The following RMDN2 variants were observed in gnomAD, a reference collection of about 807,000 sequenced individuals.
RMDN2 encodes the protein regulator of microtubule dynamics protein 2.
In RMDN2, 61 loss-of-function variants were observed where a neutral mutation model predicts 52.8. The ratio of observed to expected loss-of-function variants is 1.16; its 90% confidence interval spans 0.94 to 1.43. The LOEUF (loss-of-function observed/expected upper bound fraction) is 1.43, where lower values mean the gene tolerates loss of function less well. Among genes scored for constraint, RMDN2 ranks in the 40% most tolerant of loss-of-function variants. The pLI, the probability that RMDN2 is intolerant of heterozygous loss-of-function variation, is 0.00. For synonymous variants in RMDN2, 180 were observed against 153.1 expected, an observed-to-expected ratio of 1.18 and a Z score of -1.30; for missense variants, 592 against 475.3, an observed-to-expected ratio of 1.25 and a Z score of -2.28.
At chr2:37,941,308 C>G (rs1204579942) in intron 2 of RMDN2, among the ~76,000 whole-genome samples, 1 of 152,202 alleles carries the variant, frequency 6.6e-6, no homozygotes, top group Non-Finnish European at 1.5e-5. Context: ...GACTGGAGCT[C>G]TCCTGTGCGA....
chr2:37,928,565 C>A (rs1666469741), intron 1 of RMDN2, among the ~76,000 whole-genome samples: 1 of 152,180 alleles, frequency 6.6e-6, no homozygotes, highest in African/African-American at 2.4e-5. Flanking sequence ...AACAGTGAAG[C>A]AATCAAAGAG....
At chr2:37,979,394 G>A (rs988958996) in intron 4 of RMDN2, among the ~76,000 whole-genome samples, 1 of 152,200 alleles carries the variant, frequency 6.6e-6, no homozygotes, top group Non-Finnish European at 1.5e-5. Context: ...GGAACTGAGA[G>A]CAAGGCAGGG....
At chr2:37,940,752 G>A (rs969176021) in intron 2 of RMDN2, among the ~76,000 whole-genome samples, 1 of 152,062 alleles carries the variant, frequency 6.6e-6, no homozygotes. Flanking sequence ...GGTCATTTAT[G>A]TTCTTCTCTA....
chr2:37,967,770 A>T (rs2125047209), intron 2 of RMDN2, among the ~76,000 whole-genome samples: 1 of 152,312 alleles, frequency 6.6e-6, no homozygotes, highest in East Asian at 1.9e-4. Flanking sequence ...TAGAGTCCTC[A>T]TTTGATTTGG....
intron 10 of RMDN2, among the ~76,000 whole-genome samples, chr2:38,060,112 TATTTTA>T (rs1259144782): frequency 6.9e-4 from 82 of 119,590 alleles, no homozygotes; most frequent in Non-Finnish European, 1.1e-3. Context: ...TATTTTATTT[TATTTTA>T]TTTTTTTTAG....
At position 37,929,425 on chromosome 2, in the gene RMDN2, A is replaced by G; in HGVS notation, c.148A>G (p.Asn50Asp). The G allele has an allele frequency of 6.4e-7, 1 of 1,551,664 alleles. No individual in the cohort carries two copies. The highest frequency in any genetic ancestry group is 8.7e-7 in the Non-Finnish European group (1 of 1,146,898). ...PEFLSLGNTF[N>D]SITLQDEIHD... ...ATTTCTTTCTCTGGGTAATACATTT[A>G]ATTCAATAACTTTGCAAGATGAAAT... is the stretch of plus-strand genomic sequence containing the variant. Residue 50 changes from asparagine to aspartate, a missense_variant, in exon 2 of 11, where the codon AAT becomes GAT. Physicochemically the swap from Asn to Asp is conservative, Grantham distance 23. Coordinates refer to ENST00000354545, the MANE Select transcript of RMDN2 (RefSeq NM_001170791.3).
chr2:37,948,534 G>T (rs919052115), intron 2 of RMDN2, among the ~76,000 whole-genome samples: 1 of 152,100 alleles, frequency 6.6e-6, no homozygotes, highest in Non-Finnish European at 1.5e-5. Context: ...ATTGAAGGAC[G>T]AACATGTTTT....
chr2:37,933,559 TAGG>T (rs1391479338), intron 2 of RMDN2, among the ~76,000 whole-genome samples: 1 of 152,252 alleles, frequency 6.6e-6, no homozygotes, highest in African/African-American at 2.4e-5. Flanking sequence ...CGCTCGCGGT[TAGG>T]AGCTGGAGAC....
chr2:37,945,570 A>G (rs1240508574), intron 2 of RMDN2, among the ~76,000 whole-genome samples: 1 of 152,224 alleles, frequency 6.6e-6, no homozygotes, highest in East Asian at 1.9e-4. Context: ...CCTAGTACAA[A>G]TAGATACAAT....
chr2:38,017,311 A>G lies in RMDN2; in HGVS notation c.*72A>G, dbSNP rs371054401. 1.9e-5 allele frequency: 27 copies of G among 1,457,180 alleles called. No homozygotes were observed. In the East Asian group the frequency reaches 5.1e-4, roughly 28 times the overall value. 90.3% of individuals were successfully genotyped at this position (1,457,180 alleles called of 1,614,324 possible). A position where few individuals can be genotyped will look rare whatever the true frequency, so the allele number is the denominator to read the frequency against. ...TTAAATGAATCAAAGTTGTGCTTTT[A>G]TTATCCTTCATTTTTGATGTAAGGG... On this transcript the variant is annotated 3_prime_UTR_variant, in exon 11 of 11. Transcript: ENST00000354545.
rs371169933 is a variant in RMDN2 at position 37,931,564 on chromosome 2, C to T, written c.452+1835C>T. Among the ~76,000 whole-genome samples, 3 of 152,152 alleles carry T rather than the reference C, an allele frequency of 2.0e-5. No individual in the cohort carries two copies. The East Asian group carries it at 5.8e-4, about 29-fold the overall frequency. On this transcript the variant is annotated intron_variant, in intron 2 of 10. Coordinates refer to ENST00000354545, the MANE Select transcript of RMDN2 (RefSeq NM_001170791.3). ...ATAGACCAAAAGGGTGAATGGCCTT[C>T]AATCTAAAAGGACACTGGTTAAGTT... is the stretch of plus-strand genomic sequence containing the variant.
chr2:37,951,564 T>G lies in RMDN2; in HGVS notation c.452+21835T>G, dbSNP rs140094166. On this transcript the variant is annotated intron_variant, in intron 2 of 10. Transcript: ENST00000354545. ...TGATATAAAATCTTCCTCAGACCAT[T>G]GTGGTAGCTTTATTTCCCGCAGAAG... 207 of 1,612,990 alleles carry G rather than the reference T, an allele frequency of 1.3e-4. No individual in the cohort carries two copies. The African/African-American group carries it at 2.4e-3, about 19-fold the overall frequency.
chr2:37,968,071 T>G (rs1415689919), intron 2 of RMDN2, among the ~76,000 whole-genome samples: 1 of 152,168 alleles, frequency 6.6e-6, no homozygotes, highest in African/African-American at 2.4e-5. Flanking sequence ...TGACATAAAA[T>G]TTCAGGACAT....
At chr2:38,038,935 C>T (rs541925379) in intron 10 of RMDN2, among the ~76,000 whole-genome samples, 1 of 152,062 alleles carries the variant, frequency 6.6e-6, no homozygotes, top group South Asian at 2.1e-4. Context: ...AGAGGTGTAC[C>T]GCCTGGCAGC....
intron 10 of RMDN2, among the ~76,000 whole-genome samples, chr2:38,010,118 C>G (rs1367497370): frequency 1.3e-5 from 2 of 152,156 alleles, no homozygotes; most frequent in Non-Finnish European, 2.9e-5. Flanking sequence ...TCAGTCTGCC[C>G]TTGCTGGGTG....
At chr2:37,932,086 A>G (rs963349746) in intron 2 of RMDN2, among the ~76,000 whole-genome samples, 2 of 151,952 alleles carry the variant, frequency 1.3e-5, no homozygotes, top group Non-Finnish European at 2.9e-5. Context: ...TTTTTAATTG[A>G]TCATTCTTGG....
chr2:38,024,551 T>C (rs1679633347), intron 10 of RMDN2, among the ~76,000 whole-genome samples: 1 of 152,218 alleles, frequency 6.6e-6, no homozygotes. Flanking sequence ...CATTTTTTGG[T>C]GCATTTATTT....
chr2:37,996,802 A>G (rs576056800), intron 7 of RMDN2, among the ~76,000 whole-genome samples: 124 of 152,232 alleles, frequency 8.1e-4, no homozygotes, highest in African/African-American at 3.0e-3. Flanking sequence ...AGAAGAAAGC[A>G]AAAAAATCAG....
chr2:38,036,739 G>C (rs1680609018), intron 10 of RMDN2: 1 of 152,222 alleles, frequency 6.6e-6, no homozygotes, highest in Non-Finnish European at 1.5e-5. Flanking sequence ...CTCTTTACCA[G>C]TCTGATGATA....
Sources: gnomAD v4.1 joint callset for allele counts (sites outside exome capture counted in the v4.1 genomes callset) on GRCh38, gnomAD v4.1.1 for gene constraint, MANE v1.5 for transcripts, NCBI Gene and HGNC (gene_info 2026-07-23, HGNC 2026-07-21) for gene names.